The following GPR63 variants were observed in gnomAD, a reference collection of about 807,000 sequenced individuals.
GPR63 encodes the protein G protein-coupled receptor 63, also known as probable G protein-coupled receptor 63.
In GPR63, 12 loss-of-function variants were observed where a neutral mutation model predicts 23.1. That is an observed-to-expected ratio of 0.52 (90% confidence interval 0.33 to 0.84). The LOEUF is 0.84. Ranked by LOEUF, GPR63 falls within the 40% of genes least tolerant of loss-of-function variation. The probability of loss-of-function intolerance (pLI) is 0.02; values close to 1 mark genes in which losing one functional copy is unlikely to be tolerated. For missense variants in GPR63, 472 were observed against 515.6 expected, an observed-to-expected ratio of 0.92 and a Z score of 0.82; for synonymous variants, 172 against 191.1, an observed-to-expected ratio of 0.90 and a Z score of 0.82.
rs569669702 is a variant in GPR63 at position 96,815,310 on chromosome 6, G to A, written c.-150-15429C>T. Among the ~76,000 whole-genome samples the A allele has an allele frequency of 2.6e-5, 4 of 152,312 alleles. No individual in the cohort carries two copies. In the South Asian group the frequency reaches 6.2e-4, roughly 24 times the overall value. The stretch of plus-strand genomic sequence containing the variant: ...AAGTTAATGATTTGCATGGATGTGA[G>A]AAAGAAGATAACTCAAAATTGGAAT... On this transcript the variant is annotated intron_variant, in intron 1 of 1. Coordinates refer to ENST00000229955, the MANE Select transcript of GPR63 (RefSeq NM_030784.4).
At chr6:96,820,447 T>C (rs1774285700) in intron 1 of GPR63, among the ~76,000 whole-genome samples, 1 of 152,166 alleles carries the variant, frequency 6.6e-6, no homozygotes, top group Non-Finnish European at 1.5e-5. Flanking sequence ...AAAATTTAAA[T>C]ATGGTGCTTT....
chr6:96,826,516 TTTCTTTTCAAAAGCAAAC>T (rs1297559967), intron 1 of GPR63, among the ~76,000 whole-genome samples: 26 of 152,118 alleles, frequency 1.7e-4, no homozygotes, highest in African/African-American at 5.3e-4. Flanking sequence ...ATGTCTGCTT[TTTCTTTTCAAAAGCAAAC>T]ACTCTACAGT....
At chr6:96,835,690 A>C (rs1774708793) in intron 1 of GPR63, among the ~76,000 whole-genome samples, 1 of 152,180 alleles carries the variant, frequency 6.6e-6, no homozygotes. Context: ...AAAATGCTTG[A>C]GATGGTGGGT....
At chr6:96,833,155 T>C (rs536311770) in intron 1 of GPR63, among the ~76,000 whole-genome samples, 1 of 152,240 alleles carries the variant, frequency 6.6e-6, no homozygotes, top group African/African-American at 2.4e-5. Flanking sequence ...TAAGTTACAA[T>C]GATGAAAAGA....
intron 1 of GPR63, among the ~76,000 whole-genome samples, chr6:96,809,663 T>A (rs1773989898): frequency 6.6e-6 from 1 of 152,166 alleles, no homozygotes; most frequent in African/African-American, 2.4e-5. Flanking sequence ...CTATCAACTT[T>A]CACAAATGCT....
intron 1 of GPR63, among the ~76,000 whole-genome samples, chr6:96,820,241 G>A (rs777029672): frequency 2.0e-5 from 3 of 151,954 alleles, no homozygotes; most frequent in Non-Finnish European, 4.4e-5. Context: ...AGCATTCTCC[G>A]GCCTATCTCA....
chr6:96,803,726 T>G (rs1217153523), intron 1 of GPR63, among the ~76,000 whole-genome samples: 1 of 152,224 alleles, frequency 6.6e-6, no homozygotes. Flanking sequence ...ACCTGAAGTT[T>G]CTTTGAATTT....
rs374333026 is a variant in GPR63 at position 96,820,216 on chromosome 6, TAA to T, written c.-151+17050_-151+17051del. ...AAACTCTGTTCCTTAGGAAATACGTTAAGACAGCAAAATAAGCATTCTCCGGC... is the reference window on the plus strand; with the variant it reads ...AAACTCTGTTCCTTAGGAAATACGTTGACAGCAAAATAAGCATTCTCCGGC... On this transcript the variant is annotated intron_variant, in intron 1 of 1. Coordinates refer to ENST00000229955, the MANE Select transcript of GPR63 (RefSeq NM_030784.4). Among the ~76,000 whole-genome samples the T allele has an allele frequency of 5.6e-3, 848 of 152,270 alleles. 21 individuals are homozygous for T. The highest frequency in any genetic ancestry group is 0.02 in the African/African-American group (818 of 41,548).
At position 96,798,878 on chromosome 6, in the gene GPR63, A is replaced by C; in HGVS notation, c.854T>G (p.Leu285Arg). The C allele has an allele frequency of 6.2e-7, 1 of 1,614,202 alleles. No homozygotes were observed. Among genetic ancestry groups the C allele is most frequent in the Non-Finnish European group, 8.5e-7 (1 of 1,180,042 alleles). Residue 285 changes from leucine (L) to arginine (R), a missense_variant, in exon 2 of 2, where the codon CTC (leucine) becomes CGC (arginine). Transcript: ENST00000229955. ...GAGACCCAGTTTGCTGGCCTGGCTG[A>C]GGCATATACCTTCAGGGTAGCTATG... ...RIHSYPEGIC[L>R]SQASKLGLMS...
In GPR63 at chr6:96,811,913, T is replaced by C. The variant is rs1774055754; in HGVS notation, c.-150-12032A>G. On this transcript the variant is annotated intron_variant, in intron 1 of 1. Transcript: ENST00000229955. ...ATAAAATAAAAGGCAATCACCTTCA[T>C]TGGGCAACCTACTTTGCAATTAAAA... is the stretch of plus-strand genomic sequence containing the variant. 2.6e-5 allele frequency among the ~76,000 whole-genome samples: 4 copies of C among 151,680 alleles called. No individual in the cohort carries two copies. The South Asian group carries it at 6.2e-4, about 24-fold the overall frequency.
chr6:96,805,457 A>G (rs1773872494), intron 1 of GPR63, among the ~76,000 whole-genome samples: 1 of 152,176 alleles, frequency 6.6e-6, no homozygotes, highest in Admixed American at 6.5e-5. Context: ...CCATTTCAAC[A>G]TGAGATCTGG....
intron 1 of GPR63, among the ~76,000 whole-genome samples, chr6:96,806,324 T>C (rs965707736): frequency 4.6e-5 from 7 of 152,208 alleles, no homozygotes; most frequent in Non-Finnish European, 8.8e-5. Flanking sequence ...CTACCACTAA[T>C]ACAGAGACAC....
chr6:96,809,248 G>A (rs1326685571), intron 1 of GPR63, among the ~76,000 whole-genome samples: 2 of 152,050 alleles, frequency 1.3e-5, no homozygotes, highest in East Asian at 3.9e-4. Flanking sequence ...GGAGAATCCT[G>A]CTATCTTTGC....
chr6:96,798,937 T>C lies in GPR63; in HGVS notation c.795A>G (p.Ile265Met). 2 of 1,614,056 alleles carry C rather than the reference T, an allele frequency of 1.2e-6. No homozygotes were observed. The highest frequency in any genetic ancestry group is 1.3e-5 in the African/African-American group (1 of 74,980). ...AGGCATTGTGCCGAAGGGTGTTGAGTATGCCCATAAATGAGTACAGTATTA... is the reference window on the plus strand; with the variant it reads ...AGGCATTGTGCCGAAGGGTGTTGAGCATGCCCATAAATGAGTACAGTATTA... ...FLVILYSFMG[I>M]LNTLRHNALR... is the part of the protein sequence containing the mutation. The change falls in exon 2 of 2, where the codon ATA becomes ATG. Residue 265 changes from isoleucine (I) to methionine (M), a missense_variant. By Grantham distance (10) the Ile-to-Met change is conservative. Transcript: ENST00000229955.
Position 96,798,777 on chromosome 6 carries a change from G to T in GPR63, c.955C>A (p.Leu319Ile). 6.2e-7 allele frequency: 1 copy of T among 1,614,150 alleles called. No homozygotes were observed. Residue 319 changes from leucine to isoleucine, a missense_variant, in exon 2 of 2, where the codon CTC (leucine) becomes ATC (isoleucine). Transcript: ENST00000229955. ...KTRAFTTILI[L>I]FAVFIVCWAP... ...CAGCAGACAATGAAGACAGCAAAGA[G>T]AATCAAAATAGTGGTGAAGGCACGT...
Position 96,796,534 on chromosome 6 carries a change from C to T in GPR63, c.*1938G>A, listed in dbSNP as rs1358520155. On this transcript the variant is annotated 3_prime_UTR_variant, in exon 2 of 2. Coordinates refer to ENST00000229955, the MANE Select transcript of GPR63 (RefSeq NM_030784.4). ...TGGTAACAGAGAAGCTGACCAAGGC[C>T]CTAGATGCACCTGGGGGCAGACTGT... The T allele has an allele frequency of 6.6e-6, 1 of 152,140 alleles. No individual in the cohort carries two copies. The highest frequency in any genetic ancestry group is 1.9e-4 in the East Asian group (1 of 5,190). 9.4% of individuals were successfully genotyped at this position (152,140 alleles called of 1,614,324 possible).
At chr6:96,822,526 T>C (rs189797292) in intron 1 of GPR63, among the ~76,000 whole-genome samples, 111 of 152,336 alleles carry the variant, frequency 7.3e-4, no homozygotes, top group African/African-American at 2.5e-3. Flanking sequence ...TCACTTGCCA[T>C]CTTTCCCTGA....
In GPR63 at chr6:96,799,838, G is replaced by A; in HGVS notation, c.-107C>T. The A allele has an allele frequency of 8.8e-7, 1 of 1,135,244 alleles. No individual in the cohort carries two copies. Among genetic ancestry groups the A allele is most frequent in the Non-Finnish European group, 1.3e-6 (1 of 760,406 alleles). The allele number at this position is 1,135,244 out of a possible 1,614,324, so 70.3% of individuals were successfully genotyped here. A position where few individuals can be genotyped will look rare whatever the true frequency, so the allele number is the denominator to read the frequency against. ...ATTGATGGGCTTGGAAATACATTCTGGAAAATGGACAATGAGTTCCATCTT... is the reference window on the plus strand; with the variant it reads ...ATTGATGGGCTTGGAAATACATTCTAGAAAATGGACAATGAGTTCCATCTT... On this transcript the variant is annotated 5_prime_UTR_variant, in exon 2 of 2. An upstream open reading frame in the 5' UTR gains an earlier in-frame stop. Transcript: ENST00000229955.
rs534197960 is a variant in GPR63, at chr6:96,824,211, C to T, written c.-151+13057G>A. 9.9e-5 allele frequency among the ~76,000 whole-genome samples: 15 copies of T among 151,832 alleles called. No homozygotes were observed. The South Asian group carries it at 3.1e-3, about 32-fold the overall frequency. On this transcript the variant is annotated intron_variant, in intron 1 of 1. Transcript: ENST00000229955. Reference sequence around the variant, plus strand: ...GAGCAGAAAGAAAATAAATAAAGACCAAAAACAGATGTCTTTCACTATAAT... The same window carrying T: ...GAGCAGAAAGAAAATAAATAAAGACTAAAAACAGATGTCTTTCACTATAAT...
Sources: allele counts gnomAD v4.1 joint callset (sites outside exome capture counted in the v4.1 genomes callset), GRCh38; gene constraint gnomAD v4.1.1; transcripts MANE v1.5; gene names NCBI Gene and HGNC (gene_info 2026-07-23, HGNC 2026-07-21).